The following ZNF461 variants were observed in gnomAD, a reference collection of about 807,000 sequenced individuals.
The protein encoded by ZNF461 is zinc finger protein 461.
ZNF461 carries 16 observed loss-of-function variants against 18.3 expected under a neutral mutation model. That is an observed-to-expected ratio of 0.88 (90% CI 0.59 to 1.33). The LOEUF (loss-of-function observed/expected upper bound fraction) is 1.33, where lower values mean the gene tolerates loss of function less well. Among genes scored for constraint, ZNF461 ranks in the 40% most tolerant of loss-of-function variants. The pLI is 0.00. For missense variants in ZNF461, 595 were observed against 669.9 expected (o/e 0.89, Z 1.23); for synonymous variants, 179 against 216.9 (o/e 0.83, Z 1.54).
In ZNF461 at chr19:36,637,826, A is replaced by G; in HGVS notation, c.*827T>C. ...CCCGTTAGAATAAAAGGAAACTGAT[A>G]GCAGTTGTTGCATCTGTGGAAAGTG... On this transcript the variant is annotated 3_prime_UTR_variant, in exon 6 of 6. Coordinates refer to ENST00000588268, the MANE Select transcript of ZNF461 (RefSeq NM_153257.5). 1 of 433,886 alleles carries G rather than the reference A, an allele frequency of 2.3e-6. No homozygotes were observed. Among genetic ancestry groups the G allele is most frequent in the East Asian group, 7.4e-5 (1 of 13,484 alleles). 26.9% of individuals were successfully genotyped at this position (433,886 alleles called of 1,614,324 possible).
At chr19:36,648,213 C>T (rs938193088) in intron 4 of ZNF461, among the ~76,000 whole-genome samples, 1 of 151,680 alleles carries the variant, frequency 6.6e-6, no homozygotes, top group Non-Finnish European at 1.5e-5. Context: ...CACCTCCCCA[C>T]GCCCCCCACT....
intron 4 of ZNF461, among the ~76,000 whole-genome samples, chr19:36,649,702 T>A (rs1475743208): frequency 6.6e-6 from 1 of 151,862 alleles, no homozygotes; most frequent in Admixed American, 6.6e-5. Context: ...TGTTAAATGT[T>A]CTCCCACACA....
chr19:36,664,192 T>C (rs1310839790), intron 2 of ZNF461, among the ~76,000 whole-genome samples: 1 of 151,872 alleles, frequency 6.6e-6, no homozygotes, highest in African/African-American at 2.4e-5. Context: ...TGAACATGAG[T>C]TGGAGATGAG....
At position 36,656,017 on chromosome 19, in the gene ZNF461, A is replaced by G. The variant is rs1464156368; in HGVS notation, c.232+431T>C. ...ATATCTTTTTTTTTTTTTTTTTTTG[A>G]GACGGAGTCTCGTTCTGTCGCCCAG... is the stretch of plus-strand genomic sequence containing the variant. On this transcript the variant is annotated intron_variant, in intron 4 of 5. Transcript: ENST00000588268. Among the ~76,000 whole-genome samples the G allele has an allele frequency of 1.0e-3, 56 of 55,950 alleles. 2 individuals carry two copies. Among genetic ancestry groups the G allele is most frequent in the Admixed American group, 1.5e-3 (7 of 4,694 alleles). 36.7% of individuals were successfully genotyped at this position (55,950 alleles called of 152,430 possible).
chr19:36,650,804 A>G (rs1467134089), intron 4 of ZNF461, among the ~76,000 whole-genome samples: 1 of 150,822 alleles, frequency 6.6e-6, no homozygotes, highest in Non-Finnish European at 1.5e-5. Flanking sequence ...TCAATGTAAT[A>G]TATTATATAA....
chr19:36,665,735 G>T (rs1386167091), intron 1 of ZNF461, among the ~76,000 whole-genome samples: 1 of 145,928 alleles, frequency 6.9e-6, no homozygotes, highest in Non-Finnish European at 1.5e-5. Flanking sequence ...AAAGGAAGTT[G>T]CAGAACAATG....
At chr19:36,663,744 G>T (rs1368986447) in intron 2 of ZNF461, among the ~76,000 whole-genome samples, 1 of 151,680 alleles carries the variant, frequency 6.6e-6, no homozygotes, top group African/African-American at 2.4e-5. Context: ...TGCCTAGACT[G>T]GTCTGGAACT....
chr19:36,637,927 G>T lies in ZNF461; in HGVS notation c.*726C>A. On this transcript the variant is annotated 3_prime_UTR_variant, in exon 6 of 6. Transcript: ENST00000588268. ...TAATTTTTGAATTTTTATAATGTGT[G>T]CTTTTATTAAACAAAAAATTTAGAA... 6.0e-6 allele frequency: 2 copies of T among 334,330 alleles called. No homozygotes were observed. The highest frequency in any genetic ancestry group is 1.2e-5 in the Non-Finnish European group (2 of 168,506). The allele number at this position is 334,330 out of a possible 1,614,324, so 20.7% of individuals were successfully genotyped here.
Position 36,638,130 on chromosome 19 carries a change from C to T in ZNF461, c.*523G>A, listed in dbSNP as rs771327149. 4 of 187,394 alleles carry T rather than the reference C, an allele frequency of 2.1e-5. No homozygotes were observed. Among genetic ancestry groups the T allele is most frequent in the African/African-American group, 7.2e-5 (3 of 41,686 alleles). The allele number at this position is 187,394 out of a possible 1,614,324, so 11.6% of individuals were successfully genotyped here. On this transcript the variant is annotated 3_prime_UTR_variant, in exon 6 of 6. Coordinates refer to ENST00000588268, the MANE Select transcript of ZNF461 (RefSeq NM_153257.5). ...CCAAAATACGGACATACATTCCATT[C>T]TAGAAATATTCTGAACCTTACAAAG... is the stretch of plus-strand genomic sequence containing the variant.
Position 36,656,518 on chromosome 19 carries a change from T to C in ZNF461, c.162A>G (p.Val54=). Residue 54 remains valine, a synonymous_variant, in exon 4 of 6, where the codon GTA becomes GTG. Coordinates refer to ENST00000588268, the MANE Select transcript of ZNF461 (RefSeq NM_153257.5). ...CCTTCCCTTGCTCCAATGAGGAGATTACGGCTGGCTTAGAAACAGAAAGTC... is the reference window on the plus strand; with the variant it reads ...CCTTCCCTTGCTCCAATGAGGAGATCACGGCTGGCTTAGAAACAGAAAGTC... ...SLGLSVSKPA[V]ISSLEQGKEP... is the part of the protein sequence containing the mutation. 1 of 1,614,128 alleles carries C rather than the reference T, an allele frequency of 6.2e-7. No individual in the cohort carries two copies. Among genetic ancestry groups the C allele is most frequent in the South Asian group, 1.1e-5 (1 of 91,074 alleles).
chr19:36,655,518 G>C (rs78635649), intron 4 of ZNF461, among the ~76,000 whole-genome samples: 1 of 152,184 alleles, frequency 6.6e-6, no homozygotes, highest in South Asian at 2.1e-4. Flanking sequence ...AGGATTGCTT[G>C]AGCCAGGGAG....
rs879097178 is a variant in ZNF461, at chr19:36,658,497, A to G, written c.10-72T>C. On this transcript the variant is annotated intron_variant, in intron 2 of 5. Coordinates refer to ENST00000588268, the MANE Select transcript of ZNF461 (RefSeq NM_153257.5). ...TTTTAAAAAGAAAAGAGAAGTGCTAAAAGAAGGTACTGCAAGGAAGGAGAC... is the reference window on the plus strand; with the variant it reads ...TTTTAAAAAGAAAAGAGAAGTGCTAGAAGAAGGTACTGCAAGGAAGGAGAC... The G allele has an allele frequency of 7.6e-6, 11 of 1,455,698 alleles. No individual in the cohort carries two copies. In the South Asian group the frequency reaches 9.0e-5, roughly 12 times the overall value. 90.2% of individuals were successfully genotyped at this position (1,455,698 alleles called of 1,614,324 possible). A position where few individuals can be genotyped will look rare whatever the true frequency, so the allele number is the denominator to read the frequency against.
chr19:36,653,818 G>T (rs1438958921), intron 4 of ZNF461, among the ~76,000 whole-genome samples: 2 of 152,150 alleles, frequency 1.3e-5, no homozygotes, highest in Admixed American at 1.3e-4. Flanking sequence ...TATCACAAGG[G>T]TTAGGAAAAA....
chr19:36,663,456 C>T (rs958746386), intron 2 of ZNF461, among the ~76,000 whole-genome samples: 3 of 151,858 alleles, frequency 2.0e-5, no homozygotes, highest in Non-Finnish European at 4.4e-5. Flanking sequence ...GAGTTAAACC[C>T]CATTTGCATA....
intron 3 of ZNF461, among the ~76,000 whole-genome samples, chr19:36,656,822 CT>C (rs74174425): frequency 2.5e-3 from 353 of 141,396 alleles, no homozygotes; most frequent in Admixed American, 3.3e-3. Context: ...GATATTTATT[CT>C]TTTTTTTTTT....
chr19:36,664,675 G>A, intron 2 of ZNF461, 23 bp downstream of exon 2: 5 of 1,510,090 alleles, frequency 3.3e-6, no homozygotes, highest in Non-Finnish European at 4.4e-6. Flanking sequence ...ATTGTAATTA[G>A]GAGCAAGAAA....
chr19:36,664,815 C>A, intron 1 of ZNF461, 29 bp from the exon 2 acceptor site: 3 of 850,536 alleles, frequency 3.5e-6, no homozygotes, highest in Non-Finnish European at 5.1e-6. Context: ...AAAAAAAAGA[C>A]AGGAGATTAT....
chr19:36,656,363 G>T, intron 4 of ZNF461, 85 bp downstream of exon 4: 1 of 1,085,394 alleles, frequency 9.2e-7, no homozygotes, highest in Non-Finnish European at 1.4e-6. Flanking sequence ...TTTTCCCAAA[G>T]TTTGGTTTAA....
intron 4 of ZNF461, among the ~76,000 whole-genome samples, chr19:36,653,610 A>G (rs1204232374): frequency 6.6e-6 from 1 of 152,130 alleles, no homozygotes; most frequent in Non-Finnish European, 1.5e-5. Context: ...CAGACAGGAG[A>G]GAATGAGAGC....
Sources: gnomAD v4.1 joint callset for allele counts (sites outside exome capture counted in the v4.1 genomes callset) on GRCh38, gnomAD v4.1.1 for gene constraint, MANE v1.5 for transcripts, NCBI Gene and HGNC (gene_info 2026-07-23, HGNC 2026-07-21) for gene names.